ESR1: variants seen among roughly 807,000 people sequenced by gnomAD.
ESR1 encodes estrogen receptor 1.
Under a neutral mutation model 52.7 loss-of-function variants are expected in ESR1, and 12 were observed. That is an observed-to-expected ratio of 0.23 (90% CI 0.15 to 0.37). The LOEUF is 0.37. Among genes scored for constraint, ESR1 ranks in the 10% least tolerant of loss-of-function variants. ESR1 has a pLI of 1.00. For missense variants in ESR1, 584 were observed against 779.7 expected, an observed-to-expected ratio of 0.75 and a Z score of 2.99; for synonymous variants, 305 against 316.8, an observed-to-expected ratio of 0.96 and a Z score of 0.39.
chr6:151,723,052 T>C (rs1781573975), intron 2 of ESR1, among the ~76,000 whole-genome samples: 1 of 152,230 alleles, frequency 6.6e-6, no homozygotes, highest in Admixed American at 6.5e-5. Context: ...AGATGCCCTT[T>C]AGATTACTAT....
chr6:151,784,317 G>A (rs539337035), intron 2 of ESR1, among the ~76,000 whole-genome samples: 2 of 152,044 alleles, frequency 1.3e-5, no homozygotes, highest in South Asian at 2.1e-4. Context: ...TAGCTTCATG[G>A]ATATTTATTT....
At chr6:152,081,342 C>T (rs59834018) in intron 6 of ESR1, among the ~76,000 whole-genome samples, 2,402 of 152,100 alleles carry the variant, frequency 0.016, 65 homozygotes, top group African/African-American at 0.055. Flanking sequence ...CACACAGCTA[C>T]GTGGAAACTG....
chr6:151,863,485 A>T (rs1239580348), intron 2 of ESR1, among the ~76,000 whole-genome samples: 2 of 152,148 alleles, frequency 1.3e-5, no homozygotes, highest in East Asian at 3.8e-4. Flanking sequence ...ATTTTTGCAC[A>T]TTGATTTTGT....
intron 5 of ESR1, among the ~76,000 whole-genome samples, chr6:152,019,892 C>T (rs2043483501): frequency 6.6e-6 from 1 of 152,178 alleles, no homozygotes; most frequent in African/African-American, 2.4e-5. Context: ...CCCAGCTCAA[C>T]AGGTATTTAC....
intron 3 of ESR1, among the ~76,000 whole-genome samples, chr6:151,897,326 G>C (rs752662325): frequency 1.4e-4 from 21 of 152,112 alleles, no homozygotes; most frequent in Admixed American, 1.3e-3. Flanking sequence ...TCATTACTTA[G>C]GTGTAGTAGT....
intron 1 of ESR1, among the ~76,000 whole-genome samples, chr6:151,664,054 A>G (rs1398126929): frequency 1.3e-5 from 2 of 152,114 alleles, no homozygotes; most frequent in African/African-American, 4.8e-5. Context: ...CCTTTGTTTT[A>G]TATTCTTTGA....
At chr6:152,074,579 A>T (rs1284198327) in intron 6 of ESR1, among the ~76,000 whole-genome samples, 1 of 152,200 alleles carries the variant, frequency 6.6e-6, no homozygotes, top group Non-Finnish European at 1.5e-5. Flanking sequence ...AATTGTGTTG[A>T]TATGCATTTT....
At chr6:152,021,609 T>G (rs1398678576) in intron 5 of ESR1, among the ~76,000 whole-genome samples, 1 of 152,126 alleles carries the variant, frequency 6.6e-6, no homozygotes, top group Non-Finnish European at 1.5e-5. Context: ...ATCATGACTT[T>G]ATCATTAGAA....
At chr6:151,850,087 T>C (rs1478963428) in intron 2 of ESR1, among the ~76,000 whole-genome samples, 3 of 103,910 alleles carry the variant, frequency 2.9e-5, no homozygotes, top group East Asian at 5.5e-4. Context: ...AAATTATATA[T>C]ATATAATTTT....
chr6:151,849,978 T>TTATATATA (rs66502837), intron 2 of ESR1, among the ~76,000 whole-genome samples: 8 of 84,128 alleles, frequency 9.5e-5, no homozygotes, highest in South Asian at 7.6e-4. Flanking sequence ...TCCTAGGGAA[T>TTATATATA]TATATATATA....
At chr6:151,663,945 G>A (rs1209957371) in intron 1 of ESR1, among the ~76,000 whole-genome samples, 2 of 152,108 alleles carry the variant, frequency 1.3e-5, no homozygotes, top group African/African-American at 4.8e-5. Flanking sequence ...GCTTCCTTTG[G>A]TGGTGTTGGT....
intron 2 of ESR1, among the ~76,000 whole-genome samples, chr6:151,706,576 C>T (rs1409947950): frequency 6.6e-6 from 1 of 152,066 alleles, no homozygotes; most frequent in Non-Finnish European, 1.5e-5. Context: ...GGGTAGGGTT[C>T]CTGGGATAAG....
intron 6 of ESR1, among the ~76,000 whole-genome samples, chr6:152,072,763 C>T (rs144453305): frequency 6.6e-6 from 1 of 152,290 alleles, no homozygotes; most frequent in African/African-American, 2.4e-5. Flanking sequence ...GGCAGGGGAA[C>T]ATTTATTTAT....
intron 2 of ESR1, among the ~76,000 whole-genome samples, chr6:151,704,730 T>C (rs1780051500): frequency 6.6e-6 from 1 of 152,124 alleles, no homozygotes; most frequent in Non-Finnish European, 1.5e-5. Flanking sequence ...GAAAACAGTT[T>C]ATTCGGTCAT....
chr6:151,675,148 T>C (rs1401342310), intron 1 of ESR1, among the ~76,000 whole-genome samples: 3 of 152,198 alleles, frequency 2.0e-5, no homozygotes, highest in Non-Finnish European at 2.9e-5. Context: ...AGTGCTGTTA[T>C]ATTGCCAGAC....
chr6:151,916,916 C>A (rs2030366794), intron 3 of ESR1, among the ~76,000 whole-genome samples: 1 of 152,132 alleles, frequency 6.6e-6, no homozygotes, highest in Non-Finnish European at 1.5e-5. Flanking sequence ...CTTTTTAAGT[C>A]TCGAGAAATA....
Position 152,101,827 on chromosome 6 carries a change from G to A in ESR1, c.*2861G>A. On this transcript the variant is annotated 3_prime_UTR_variant, in exon 8 of 8. Transcript: ENST00000206249. ...GAGGAAAATGGTTAATTCTGGGTGT[G>A]CACCAGGGTTCAGTAGAGTCCACTT... The A allele has an allele frequency of 4.4e-6, 1 of 226,122 alleles. No individual in the cohort carries two copies. Among genetic ancestry groups the A allele is most frequent in the Non-Finnish European group, 8.8e-6 (1 of 113,600 alleles). The allele number at this position is 226,122 out of a possible 1,614,324, so 14.0% of individuals were successfully genotyped here. A position where few individuals can be genotyped will look rare whatever the true frequency, so the allele number is the denominator to read the frequency against.
intron 5 of ESR1, among the ~76,000 whole-genome samples, chr6:152,044,913 A>C (rs2046103766): frequency 6.6e-6 from 1 of 152,226 alleles, no homozygotes; most frequent in Non-Finnish European, 1.5e-5. Context: ...AATCACATTG[A>C]CACTCAGTAT....
At chr6:152,016,539 G>T (rs1013491836) in intron 5 of ESR1, among the ~76,000 whole-genome samples, 4 of 152,088 alleles carry the variant, frequency 2.6e-5, no homozygotes, top group African/African-American at 9.7e-5. Context: ...GTGAAACATT[G>T]TGACCAACAG....
Sources: gnomAD v4.1 joint callset for allele counts (sites outside exome capture counted in the v4.1 genomes callset) on GRCh38, gnomAD v4.1.1 for gene constraint, MANE v1.5 for transcripts, NCBI Gene and HGNC (gene_info 2026-07-23, HGNC 2026-07-21) for gene names.